The following SV2C variants were observed in gnomAD, a reference collection of about 807,000 sequenced individuals.
SV2C encodes the protein synaptic vesicle glycoprotein 2C.
A neutral mutation model predicts 79.7 loss-of-function variants in SV2C; 49 were observed. That is an observed-to-expected ratio of 0.61 (90% CI 0.49 to 0.78). The LOEUF (loss-of-function observed/expected upper bound fraction) is 0.78, where lower values mean the gene tolerates loss of function less well. Ranked by LOEUF, SV2C falls within the 30% of genes least tolerant of loss-of-function variation. SV2C has a pLI of 0.00. For synonymous variants in SV2C, 334 were observed against 333.2 expected (o/e 1.00, Z -0.03); for missense variants, 833 against 912.9 (o/e 0.91, Z 1.13).
intron 4 of SV2C, among the ~76,000 whole-genome samples, chr5:76,247,299 A>G (rs1745974842): frequency 6.7e-6 from 1 of 149,530 alleles, no homozygotes; most frequent in South Asian, 2.1e-4. Context: ...ATGGGATGCT[A>G]AACACTTACA....
intron 2 of SV2C, among the ~76,000 whole-genome samples, chr5:76,146,693 C>A (rs1749433336): frequency 6.6e-6 from 1 of 151,410 alleles, no homozygotes; most frequent in South Asian, 2.1e-4. Context: ...TCATTTTACC[C>A]AGCTCCTATT....
At chr5:75,911,927 C>T in the SV2C span, 1 of 465,488 alleles carries the variant, frequency 2.1e-6, no homozygotes, top group African/African-American at 2.0e-5. Flanking sequence ...GCTCTTCAAC[C>T]AGAGGGTATA....
chr5:76,013,334 T>C, the SV2C span, among the ~76,000 whole-genome samples: 219 of 152,258 alleles, frequency 1.4e-3, 1 homozygote, highest in African/African-American at 4.9e-3. Context: ...CCCTTGTAGG[T>C]TGTATTCCTA....
At chr5:76,223,451 A>ATG (rs1366741898) in intron 4 of SV2C, among the ~76,000 whole-genome samples, 1 of 16,128 alleles carries the variant, frequency 6.2e-5, no homozygotes, top group Non-Finnish European at 1.1e-4. Flanking sequence ...ATACATATAT[A>ATG]TATATATATA....
intron 6 of SV2C, among the ~76,000 whole-genome samples, chr5:76,288,880 T>C (rs1580028967): frequency 6.6e-6 from 1 of 152,282 alleles, no homozygotes; most frequent in East Asian, 1.9e-4. Context: ...TTTTCTTTTT[T>C]TTTTTTCCTT....
intron 1 of SV2C, among the ~76,000 whole-genome samples, chr5:76,130,174 A>T (rs888548434): frequency 1.1e-4 from 14 of 122,850 alleles, no homozygotes; most frequent in Non-Finnish European, 2.2e-4. Flanking sequence ...AAAAAAAAAA[A>T]AAAAAAGAGC....
chr5:75,954,274 G>A, the SV2C span, among the ~76,000 whole-genome samples: 17,133 of 151,866 alleles, frequency 0.11, 2,756 homozygotes, highest in African/African-American at 0.36. Context: ...ATGTGTTGAA[G>A]GAAGAAAATG....
At chr5:76,158,805 G>T (rs1742815443) in intron 2 of SV2C, among the ~76,000 whole-genome samples, 1 of 151,984 alleles carries the variant, frequency 6.6e-6, no homozygotes, top group Admixed American at 6.6e-5. Flanking sequence ...TTTGAGGCCA[G>T]TATTACCCTA....
Position 76,231,530 on chromosome 5 carries a change from G to A in SV2C, c.913+21643G>A, listed in dbSNP as rs541596088. On this transcript the variant is annotated intron_variant, in intron 4 of 12. Transcript: ENST00000502798. ...TATACATGTGCCATGCTGGTGCGCC[G>A]CACCCACTAACTCGTCATCTAGCAT... Among the ~76,000 whole-genome samples the A allele has an allele frequency of 1.9e-4, 29 of 150,352 alleles. 1 individual carries two copies. Among genetic ancestry groups the A allele is most frequent in the South Asian group, 1.5e-3 (7 of 4,782 alleles).
chr5:76,110,513 A>C (rs1748065824), intron 1 of SV2C, among the ~76,000 whole-genome samples: 1 of 152,238 alleles, frequency 6.6e-6, no homozygotes, highest in Non-Finnish European at 1.5e-5. Context: ...CTAATTCAGC[A>C]GACCCTCGGG....
At chr5:76,025,277 A>G in the SV2C span, among the ~76,000 whole-genome samples, 2 of 151,872 alleles carry the variant, frequency 1.3e-5, no homozygotes, top group African/African-American at 4.8e-5. Flanking sequence ...AGGGTACCAG[A>G]GACAGAGCAG....
At chr5:76,036,803 T>C in the SV2C span, among the ~76,000 whole-genome samples, 77 of 152,228 alleles carry the variant, frequency 5.1e-4, no homozygotes, top group Non-Finnish European at 7.8e-4. Flanking sequence ...CCTTGCTAGA[T>C]TGGGGAAGTT....
At chr5:75,921,717 A>G in the SV2C span, 1 of 461,972 alleles carries the variant, frequency 2.2e-6, no homozygotes, top group East Asian at 4.9e-5. Context: ...CAGAGGGTAT[A>G]AAATATTTGA....
At chr5:76,298,668 C>A in intron 9 of SV2C, 126 bp from the exon 10 acceptor site, 1 of 1,104,444 alleles carries the variant, frequency 9.1e-7, no homozygotes, top group Non-Finnish European at 1.3e-6. Flanking sequence ...AAATCAAGAA[C>A]TCTGTGTTCT....
intron 4 of SV2C, among the ~76,000 whole-genome samples, chr5:76,216,921 G>A (rs972909909): frequency 5.9e-5 from 9 of 152,194 alleles, no homozygotes; most frequent in African/African-American, 7.2e-5. Flanking sequence ...GGCACTGTCC[G>A]CTCCATTAAA....
intron 12 of SV2C, among the ~76,000 whole-genome samples, chr5:76,309,819 T>G (rs1748359486): frequency 6.6e-6 from 1 of 152,030 alleles, no homozygotes; most frequent in African/African-American, 2.4e-5. Flanking sequence ...CAGGTTTTGT[T>G]TATGTTTTTT....
At chr5:76,045,232 G>A in the SV2C span, among the ~76,000 whole-genome samples, 3 of 152,146 alleles carry the variant, frequency 2.0e-5, no homozygotes, top group Admixed American at 2.0e-4. Flanking sequence ...TAGATGTGTA[G>A]TCTTATTTCT....
chr5:76,253,706 A>AG (rs1347863867), intron 4 of SV2C, among the ~76,000 whole-genome samples: 6 of 85,096 alleles, frequency 7.1e-5, no homozygotes, highest in Non-Finnish European at 1.2e-4. Context: ...CTCCTCCCTA[A>AG]GGAAAAAAAA....
chr5:76,181,906 A>C (rs536973553), intron 2 of SV2C, among the ~76,000 whole-genome samples: 3 of 152,276 alleles, frequency 2.0e-5, no homozygotes, highest in Admixed American at 6.5e-5. Context: ...GAGTCTTCTC[A>C]TACTCATCCA....
Sources: allele counts gnomAD v4.1 joint callset (sites outside exome capture counted in the v4.1 genomes callset), GRCh38; gene constraint gnomAD v4.1.1; transcripts MANE v1.5; gene names NCBI Gene and HGNC (gene_info 2026-07-23, HGNC 2026-07-21).